HTR4: variants seen among roughly 807,000 people sequenced by gnomAD.
HTR4 encodes the protein 5-hydroxytryptamine receptor 4, also known as 5-hydroxytryptamine (serotonin) receptor 4, G protein-coupled.
Under a neutral mutation model 36.8 loss-of-function variants are expected in HTR4, and 16 were observed. The ratio of observed to expected loss-of-function variants is 0.43; its 90% CI spans 0.29 to 0.66. The LOEUF is 0.66. Among genes scored for constraint, HTR4 ranks in the 30% least tolerant of loss-of-function variants. The probability of loss-of-function intolerance (pLI) is 0.13; values close to 1 mark genes in which losing one functional copy is unlikely to be tolerated. For missense variants in HTR4, 438 were observed against 490.9 expected, an observed-to-expected ratio of 0.89 and a Z score of 1.02; for synonymous variants, 189 against 185.1, an observed-to-expected ratio of 1.02 and a Z score of -0.17.
intron 2 of HTR4, among the ~76,000 whole-genome samples, chr5:148,565,821 T>C (rs1760411984): frequency 6.6e-6 from 1 of 152,170 alleles, no homozygotes; most frequent in South Asian, 2.1e-4. Context: ...CTTCTCCTCC[T>C]GCACCTGGTT....
chr5:148,456,930 C>T (rs1267586314), intron 5 of HTR4, among the ~76,000 whole-genome samples: 1 of 152,178 alleles, frequency 6.6e-6, no homozygotes, highest in Non-Finnish European at 1.5e-5. Context: ...ACAAAATTCC[C>T]AATTCAGTGC....
intron 4 of HTR4, among the ~76,000 whole-genome samples, chr5:148,547,556 TAAAATA>T (rs1301538617): frequency 4.6e-4 from 49 of 105,898 alleles, no homozygotes; most frequent in East Asian, 1.1e-3. Context: ...TAAAATAAAA[TAAAATA>T]AAATAAATAA....
chr5:148,603,831 A>G (rs898137384), intron 2 of HTR4, among the ~76,000 whole-genome samples: 5 of 152,120 alleles, frequency 3.3e-5, no homozygotes, highest in African/African-American at 1.2e-4. Context: ...TGATATTGGT[A>G]TAAGAGTTGA....
At chr5:148,516,358 C>T (rs1361631524) in intron 5 of HTR4, among the ~76,000 whole-genome samples, 1 of 116,030 alleles carries the variant, frequency 8.6e-6, no homozygotes, top group South Asian at 3.0e-4. Context: ...CTTGCTGTGT[C>T]ACCCAGGCTG....
At chr5:148,474,814 G>A (rs537286837), downstream of HTR4, among the ~76,000 whole-genome samples, 3 of 152,192 alleles carry the variant, frequency 2.0e-5, no homozygotes, top group South Asian at 6.2e-4. Context: ...ACGTAGTCTC[G>A]GCGGGTGGAT....
chr5:148,511,619 T>TTG (rs529668445), intron 5 of HTR4, among the ~76,000 whole-genome samples: 17,252 of 139,240 alleles, frequency 0.12, 1,132 homozygotes, highest in African/African-American at 0.21. Context: ...TTGTGGAAGT[T>TTG]TGTGTGTGTG....
chr5:148,560,592 T>C (rs542819292), intron 2 of HTR4, among the ~76,000 whole-genome samples: 9 of 152,304 alleles, frequency 5.9e-5, no homozygotes, highest in Middle Eastern at 3.4e-3. Flanking sequence ...GATTTTGACA[T>C]TGATGTACTG....
Position 148,639,617 on chromosome 5 carries a change from GTATATA to G in HTR4, c.-47-2562_-47-2557del, listed in dbSNP as rs370514542. The stretch of plus-strand genomic sequence containing the variant: ...TCTCTGTTCTATTTTTTTCTTCCCA[GTATATA>G]TATATATATATATATATATATAGTC... On this transcript the variant is annotated intron_variant, in intron 1 of 6. Coordinates refer to ENST00000377888, the MANE Select transcript of HTR4 (RefSeq NM_000870.7). Among the ~76,000 whole-genome samples, 26 of 111,856 alleles carry G rather than the reference GTATATA, an allele frequency of 2.3e-4. 1 individual carries two copies. Among genetic ancestry groups the G allele is most frequent in the East Asian group, 5.4e-4 (2 of 3,672 alleles). The allele number at this position is 111,856 out of a possible 152,430, so 73.4% of individuals were successfully genotyped here.
At chr5:148,521,387 C>A (rs1758005819) in intron 5 of HTR4, among the ~76,000 whole-genome samples, 1 of 152,100 alleles carries the variant, frequency 6.6e-6, no homozygotes, top group Admixed American at 6.6e-5. Flanking sequence ...TGCAGGTGAA[C>A]CTCATGCAAT....
At chr5:148,590,165 C>T (rs192460532) in intron 2 of HTR4, among the ~76,000 whole-genome samples, 4 of 152,034 alleles carry the variant, frequency 2.6e-5, no homozygotes, top group Admixed American at 6.6e-5. Flanking sequence ...TAATGCCATA[C>T]GAGAAACTTC....
Position 148,567,483 on chromosome 5 carries a change from C to T in HTR4, c.27-17221G>A, listed in dbSNP as rs182148806. ...CACTCAAAATTATTCAATGGCTTCCCAGCTCATGCAGAATATCCCAAGTTT... is the reference window on the plus strand; with the variant it reads ...CACTCAAAATTATTCAATGGCTTCCTAGCTCATGCAGAATATCCCAAGTTT... On this transcript the variant is annotated intron_variant, in intron 2 of 6. Coordinates refer to ENST00000377888, the MANE Select transcript of HTR4 (RefSeq NM_000870.7). Among the ~76,000 whole-genome samples the T allele has an allele frequency of 3.5e-3, 530 of 152,198 alleles. 4 individuals are homozygous for T. The highest frequency in any genetic ancestry group is 0.012 in the African/African-American group (514 of 41,526).
At chr5:148,506,216 A>G (rs1757201935) in intron 6 of HTR4, among the ~76,000 whole-genome samples, 1 of 152,154 alleles carries the variant, frequency 6.6e-6, no homozygotes, top group South Asian at 2.1e-4. Flanking sequence ...CAGAAATAAT[A>G]CCACACATCT....
intron 6 of HTR4, among the ~76,000 whole-genome samples, chr5:148,487,974 G>T (rs111906254): frequency 0.014 from 2,060 of 152,186 alleles, 48 homozygotes; most frequent in African/African-American, 0.047. Context: ...AAATGAGAAA[G>T]CAAAAAATGT....
At position 148,621,221 on chromosome 5, in the gene HTR4, A is replaced by C. The variant is rs557579123; in HGVS notation, c.26+15768T>G. Among the ~76,000 whole-genome samples, 14 of 152,348 alleles carry C rather than the reference A, an allele frequency of 9.2e-5. No homozygotes were observed. The South Asian group carries it at 2.9e-3, about 32-fold the overall frequency. On this transcript the variant is annotated intron_variant, in intron 2 of 6. Coordinates refer to ENST00000377888, the MANE Select transcript of HTR4 (RefSeq NM_000870.7). ...CCTAACAAGAAATCAATTTACTGAGAGGGGATTCCAGAATCATGCTTCTAT... is the reference window on the plus strand; with the variant it reads ...CCTAACAAGAAATCAATTTACTGAGCGGGGATTCCAGAATCATGCTTCTAT...
intron 6 of HTR4, among the ~76,000 whole-genome samples, chr5:148,488,653 T>A (rs571925473): frequency 6.6e-6 from 1 of 152,160 alleles, no homozygotes; most frequent in African/African-American, 2.4e-5. Flanking sequence ...ATCAGACAGA[T>A]GAGAAAACTA....
At chr5:148,645,259 C>A (rs148123273) in intron 1 of HTR4, 104 of 152,230 alleles carry the variant, frequency 6.8e-4, no homozygotes, top group African/African-American at 2.4e-3. Flanking sequence ...CTTTCAAGAG[C>A]ATAAGGTCAC....
chr5:148,490,799 C>G (rs1200991808), intron 6 of HTR4: 1 of 872,858 alleles, frequency 1.1e-6, no homozygotes, highest in South Asian at 1.4e-5. Context: ...TTACCTCTCT[C>G]CCTCACATTA....
chr5:148,492,769 T>C (rs1756511962), intron 6 of HTR4, among the ~76,000 whole-genome samples: 1 of 152,228 alleles, frequency 6.6e-6, no homozygotes, highest in Middle Eastern at 3.2e-3. Context: ...TTGGAGATGT[T>C]TGGTCAAACA....
chr5:148,473,163 G>A (rs1280072484), downstream of HTR4, among the ~76,000 whole-genome samples: 1 of 152,028 alleles, frequency 6.6e-6, no homozygotes, highest in African/African-American at 2.4e-5. Flanking sequence ...GCTGGGTGTG[G>A]TTGTGGGCGC....
Sources: gnomAD v4.1 joint callset for allele counts (sites outside exome capture counted in the v4.1 genomes callset) on GRCh38, gnomAD v4.1.1 for gene constraint, MANE v1.5 for transcripts, NCBI Gene and HGNC (gene_info 2026-07-23, HGNC 2026-07-21) for gene names.